The following BRINP3 variants were observed in gnomAD, a reference collection of about 807,000 sequenced individuals.
BRINP3 encodes the protein BMP/retinoic acid inducible neural specific 3, also known as BMP/retinoic acid-inducible neural-specific protein 3.
Under a neutral mutation model 71.0 loss-of-function variants are expected in BRINP3, and 19 were observed. The observed-to-expected ratio is 0.27, with a 90% CI of 0.19 to 0.39. The LOEUF (loss-of-function observed/expected upper bound fraction) is 0.39. Among genes scored for constraint, BRINP3 ranks in the 10% least tolerant of loss-of-function variants. BRINP3 has a pLI of 1.00. For synonymous variants in BRINP3, 380 were observed against 337.7 expected (o/e 1.13, Z -1.37); for missense variants, 959 against 940.8 (o/e 1.02, Z -0.25).
At chr1:190,279,209 A>T (rs1662855785) in intron 3 of BRINP3, among the ~76,000 whole-genome samples, 1 of 151,870 alleles carries the variant, frequency 6.6e-6, no homozygotes, top group Non-Finnish European at 1.5e-5. Context: ...CATTAATAAT[A>T]ATTGACATTA....
intron 2 of BRINP3, among the ~76,000 whole-genome samples, chr1:190,326,979 A>C (rs1418498151): frequency 1.3e-5 from 2 of 151,442 alleles, no homozygotes; most frequent in Non-Finnish European, 2.9e-5. Context: ...AAAAGGTCTA[A>C]ATGCCTGATG....
intron 7 of BRINP3, among the ~76,000 whole-genome samples, chr1:190,100,324 A>G (rs1256570290): frequency 3.9e-5 from 6 of 152,114 alleles, no homozygotes; most frequent in African/African-American, 7.2e-5. Context: ...ACTGTTTTTC[A>G]TAGTGCATTT....
chr1:190,458,961 C>CA (rs1352098201), intron 1 of BRINP3, among the ~76,000 whole-genome samples: 5 of 150,448 alleles, frequency 3.3e-5, no homozygotes, highest in East Asian at 3.9e-4. Flanking sequence ...ATGAAGAACA[C>CA]AAAAAAACAA....
intron 6 of BRINP3, among the ~76,000 whole-genome samples, chr1:190,225,506 C>G (rs1657275427): frequency 6.6e-6 from 1 of 151,468 alleles, no homozygotes; most frequent in South Asian, 2.1e-4. Flanking sequence ...GGAGAAAATG[C>G]AGGGAAAATA....
At chr1:190,250,867 T>C (rs1166884625) in intron 4 of BRINP3, among the ~76,000 whole-genome samples, 1 of 151,950 alleles carries the variant, frequency 6.6e-6, no homozygotes, top group Non-Finnish European at 1.5e-5. Context: ...TCAGGTTCAG[T>C]ACATTTTCAT....
At chr1:190,428,401 T>C (rs760226716) in intron 2 of BRINP3, among the ~76,000 whole-genome samples, 11 of 151,960 alleles carry the variant, frequency 7.2e-5, no homozygotes, top group Non-Finnish European at 1.5e-4. Flanking sequence ...TCTATCTCTT[T>C]TTCTTTATTA....
chr1:190,371,218 G>T (rs1415154613), intron 2 of BRINP3, among the ~76,000 whole-genome samples: 1 of 152,128 alleles, frequency 6.6e-6, no homozygotes, highest in Admixed American at 6.5e-5. Context: ...TGTTGCCTGT[G>T]TTTTGGCATA....
At chr1:190,393,381 G>C (rs996592355) in intron 2 of BRINP3, among the ~76,000 whole-genome samples, 2 of 151,514 alleles carry the variant, frequency 1.3e-5, no homozygotes, top group African/African-American at 2.4e-5. Context: ...TTCTAAAAGA[G>C]ATGCTAACGT....
chr1:190,325,024 C>T (rs1666487446), intron 2 of BRINP3, among the ~76,000 whole-genome samples: 1 of 151,798 alleles, frequency 6.6e-6, no homozygotes, highest in Non-Finnish European at 1.5e-5. Flanking sequence ...CTTCAAAGTG[C>T]TTGAATTTTC....
At chr1:190,227,774 T>C (rs962123467) in intron 5 of BRINP3, among the ~76,000 whole-genome samples, 1 of 151,810 alleles carries the variant, frequency 6.6e-6, no homozygotes, top group Non-Finnish European at 1.5e-5. Context: ...GAAATGAAAG[T>C]AGTAATATTG....
In BRINP3 at chr1:190,407,530, ATCCT is replaced by A. The variant is rs558360052; in HGVS notation, c.236+47121_236+47124del. Among the ~76,000 whole-genome samples, 391 of 152,340 alleles carry A rather than the reference ATCCT, an allele frequency of 2.6e-3. 1 individual carries two copies. The highest frequency in any genetic ancestry group is 4.2e-3 in the Non-Finnish European group (288 of 68,026). Reference sequence around the variant, plus strand: ...GTATACGCTTTAAGGCACTGTTGTTATCCTTTTATTTAGTAAATTATGAAAGAAA... The same window carrying A: ...GTATACGCTTTAAGGCACTGTTGTTATTTATTTAGTAAATTATGAAAGAAA... On this transcript the variant is annotated intron_variant, in intron 2 of 7. Transcript: ENST00000367462.
At chr1:190,143,432 A>G (rs1416837770) in intron 7 of BRINP3, among the ~76,000 whole-genome samples, 2 of 152,210 alleles carry the variant, frequency 1.3e-5, no homozygotes, top group Non-Finnish European at 2.9e-5. Context: ...CTTTCAGTTA[A>G]AAATAGAAAA....
chr1:190,333,392 G>A (rs561675267), intron 2 of BRINP3, among the ~76,000 whole-genome samples: 1 of 151,344 alleles, frequency 6.6e-6, no homozygotes, highest in African/African-American at 2.4e-5. Flanking sequence ...TGCAGTGAGT[G>A]GTCAAATCGT....
At chr1:190,157,404 T>C (rs953315834) in intron 7 of BRINP3, among the ~76,000 whole-genome samples, 21 of 152,020 alleles carry the variant, frequency 1.4e-4, no homozygotes, top group African/African-American at 5.1e-4. Context: ...TGTGAACCAA[T>C]GATTGCCGTT....
chr1:190,344,404 ACT>A (rs1667875042), intron 2 of BRINP3, among the ~76,000 whole-genome samples: 1 of 151,874 alleles, frequency 6.6e-6, no homozygotes, highest in Non-Finnish European at 1.5e-5. Flanking sequence ...ACAGAGCTGT[ACT>A]TCAACTATGA....
At chr1:190,227,518 T>A (rs989121559) in intron 5 of BRINP3, among the ~76,000 whole-genome samples, 2 of 151,832 alleles carry the variant, frequency 1.3e-5, no homozygotes, top group African/African-American at 4.8e-5. Flanking sequence ...CAGAGATATC[T>A]GCAGTATATT....
rs183370596 is a variant in BRINP3, at chr1:190,242,442, A to G, written c.619-7965T>C. The stretch of plus-strand genomic sequence containing the variant: ...GATACAGTTTAAAATAGTGTATGAT[A>G]TATTATTCATCCAGGATGACTCACA... On this transcript the variant is annotated intron_variant, in intron 4 of 7. Coordinates refer to ENST00000367462, the MANE Select transcript of BRINP3 (RefSeq NM_199051.3). Among the ~76,000 whole-genome samples the G allele has an allele frequency of 3.9e-5, 6 of 152,208 alleles. No individual in the cohort carries two copies. In the East Asian group the frequency reaches 1.2e-3, roughly 29 times the overall value.
At chr1:190,162,946 T>A (rs1651145407) in intron 6 of BRINP3, among the ~76,000 whole-genome samples, 1 of 152,122 alleles carries the variant, frequency 6.6e-6, no homozygotes, top group African/African-American at 2.4e-5. Flanking sequence ...TGTTTCAATC[T>A]ATGACAACAA....
intron 2 of BRINP3, among the ~76,000 whole-genome samples, chr1:190,312,420 T>C (rs1302856731): frequency 6.6e-6 from 1 of 151,582 alleles, no homozygotes; most frequent in East Asian, 1.9e-4. Flanking sequence ...AAAAATACTT[T>C]ATCCTTCCCA....
Sources: gnomAD v4.1 joint callset for allele counts (sites outside exome capture counted in the v4.1 genomes callset) on GRCh38, gnomAD v4.1.1 for gene constraint, MANE v1.5 for transcripts, NCBI Gene and HGNC (gene_info 2026-07-23, HGNC 2026-07-21) for gene names.